The following DNAJC5B variants were observed in gnomAD, a reference collection of about 807,000 sequenced individuals.
DNAJC5B encodes DnaJ heat shock protein family (Hsp40) member C5 beta, also known as dnaJ homolog subfamily C member 5B.
Under a neutral mutation model 24.7 loss-of-function variants are expected in DNAJC5B, and 23 were observed. That is an observed-to-expected ratio of 0.93 (90% CI 0.67 to 1.32). The LOEUF (loss-of-function observed/expected upper bound fraction) is 1.32, where lower values mean the gene tolerates loss of function less well. Among genes scored for constraint, DNAJC5B ranks in the 40% most tolerant of loss-of-function variants. DNAJC5B has a pLI of 0.00. For synonymous variants in DNAJC5B, 101 were observed against 90.1 expected (o/e 1.12, Z -0.68); for missense variants, 238 against 240.8 (o/e 0.99, Z 0.08).
At position 66,071,354 on chromosome 8, in the gene DNAJC5B, G is replaced by GA. The variant is rs957977352; in HGVS notation, c.120-5299dup. On this transcript the variant is annotated intron_variant, in intron 3 of 5. Coordinates refer to ENST00000276570, the MANE Select transcript of DNAJC5B (RefSeq NM_033105.6). Reference sequence around the variant, plus strand: ...ACAAAGAACTTAAACAAATTTACAAGAAAAAAACAAACAACCCCATCAAAA... The same window carrying GA: ...ACAAAGAACTTAAACAAATTTACAAGAAAAAAAACAAACAACCCCATCAAAA... 1.4e-3 allele frequency among the ~76,000 whole-genome samples: 217 copies of GA among 152,004 alleles called. 2 individuals are homozygous for GA. Among genetic ancestry groups the GA allele is most frequent in the African/African-American group, 4.8e-3 (197 of 41,442 alleles).
chr8:66,068,920 A>G (rs1395290457), intron 3 of DNAJC5B, among the ~76,000 whole-genome samples: 2 of 152,174 alleles, frequency 1.3e-5, no homozygotes, highest in East Asian at 1.9e-4. Flanking sequence ...GCCAGAAGAC[A>G]GAGGACAAAA....
At chr8:66,069,192 T>C (rs1428640885) in intron 3 of DNAJC5B, among the ~76,000 whole-genome samples, 1 of 151,904 alleles carries the variant, frequency 6.6e-6, no homozygotes, top group Non-Finnish European at 1.5e-5. Flanking sequence ...AAGGGACAAG[T>C]AGAATACGGT....
chr8:66,052,078 C>T (rs1486714938), intron 3 of DNAJC5B, among the ~76,000 whole-genome samples: 1 of 151,906 alleles, frequency 6.6e-6, no homozygotes, highest in African/African-American at 2.4e-5. Context: ...GATTCTCTGC[C>T]TCAGCCTCCT....
At chr8:66,046,740 C>T (rs1459342526) in intron 2 of DNAJC5B, among the ~76,000 whole-genome samples, 2 of 152,250 alleles carry the variant, frequency 1.3e-5, no homozygotes, top group African/African-American at 4.8e-5. Context: ...TATTCATCAC[C>T]ATATCATGAA....
At chr8:66,048,356 C>T (rs924058485) in intron 2 of DNAJC5B, among the ~76,000 whole-genome samples, 1 of 152,222 alleles carries the variant, frequency 6.6e-6, no homozygotes, top group African/African-American at 2.4e-5. Flanking sequence ...CTGCCATGTT[C>T]TCTGTCGCTA....
At chr8:66,076,039 G>A (rs957184262) in intron 3 of DNAJC5B, among the ~76,000 whole-genome samples, 2 of 152,172 alleles carry the variant, frequency 1.3e-5, no homozygotes, top group Admixed American at 6.5e-5. Flanking sequence ...AAGGCCTTAT[G>A]CCCACAAGAA....
chr8:66,083,137 G>A (rs773945650), intron 5 of DNAJC5B, among the ~76,000 whole-genome samples: 7 of 148,854 alleles, frequency 4.7e-5, no homozygotes, highest in East Asian at 2.0e-4. Flanking sequence ...TCAGCCTCCC[G>A]AGTAGATGGG....
chr8:66,085,030 GA>G (rs1432012210), intron 5 of DNAJC5B, among the ~76,000 whole-genome samples: 2 of 150,744 alleles, frequency 1.3e-5, no homozygotes, highest in African/African-American at 4.9e-5. Flanking sequence ...TTTTCTTCTT[GA>G]ATATGGAATC....
chr8:66,057,018 A>T (rs1479590528), intron 3 of DNAJC5B: 1 of 152,296 alleles, frequency 6.6e-6, no homozygotes, highest in Non-Finnish European at 1.5e-5. Flanking sequence ...AGGCGCCTAT[A>T]GTCCCAGCTA....
chr8:66,099,076 T>C (rs954391528), intron 5 of DNAJC5B, among the ~76,000 whole-genome samples: 18 of 151,138 alleles, frequency 1.2e-4, no homozygotes, highest in African/African-American at 4.2e-4. Context: ...CTTCTATTTC[T>C]CTACCTCTAA....
At chr8:66,035,308 C>A (rs79833245) in intron 1 of DNAJC5B, among the ~76,000 whole-genome samples, 8,405 of 152,298 alleles carry the variant, frequency 0.055, 343 homozygotes, top group Middle Eastern at 0.11. Flanking sequence ...TGTGCTGCGC[C>A]TGTAAAAGAG....
intron 3 of DNAJC5B, among the ~76,000 whole-genome samples, chr8:66,063,689 C>T (rs1350806915): frequency 6.6e-6 from 1 of 152,192 alleles, no homozygotes; most frequent in Admixed American, 6.5e-5. Flanking sequence ...TCATTACGAT[C>T]CGTAACTTTT....
chr8:66,080,426 G>C lies in DNAJC5B; in HGVS notation c.383G>C (p.Cys128Ser). The change falls in exon 5 of 6, where the codon TGC (cysteine) becomes TCC (serine). Residue 128 changes from cysteine (C) to serine (S), a missense_variant. Transcript: ENST00000276570. The stretch of plus-strand genomic sequence containing the variant: ...TTGACGGGCTGCTACTTTTGCTGCT[G>C]CCTGTGCTGCTGCTGCAACTGCTGC... ...GLLTGCYFCC[C>S]LCCCCNCCCG... The C allele has an allele frequency of 6.2e-7, 1 of 1,614,004 alleles. No individual in the cohort carries two copies. The highest frequency in any genetic ancestry group is 8.5e-7 in the Non-Finnish European group (1 of 1,179,998).
At chr8:66,038,479 A>G (rs1334227187) in intron 1 of DNAJC5B, among the ~76,000 whole-genome samples, 1 of 152,226 alleles carries the variant, frequency 6.6e-6, no homozygotes, top group South Asian at 2.1e-4. Context: ...ATTGGAAAGT[A>G]TTTTGGGTTC....
chr8:66,070,080 A>AT (rs1232538074), intron 3 of DNAJC5B, among the ~76,000 whole-genome samples: 1 of 152,236 alleles, frequency 6.6e-6, no homozygotes, highest in Non-Finnish European at 1.5e-5. Context: ...AGAGCTATTT[A>AT]TGACAGACCC....
At chr8:66,029,799 T>A (rs1806322150) in intron 1 of DNAJC5B, among the ~76,000 whole-genome samples, 1 of 152,116 alleles carries the variant, frequency 6.6e-6, no homozygotes, top group Non-Finnish European at 1.5e-5. Context: ...TGCCACAGTA[T>A]CACTTCCTGC....
intron 5 of DNAJC5B, among the ~76,000 whole-genome samples, chr8:66,091,780 G>C (rs1807854009): frequency 6.6e-6 from 1 of 152,022 alleles, no homozygotes; most frequent in Non-Finnish European, 1.5e-5. Flanking sequence ...GAGACTCCAT[G>C]GTGAAAAATG....
chr8:66,015,660 C>G, the DNAJC5B span, among the ~76,000 whole-genome samples: 1 of 152,112 alleles, frequency 6.6e-6, no homozygotes, highest in Non-Finnish European at 1.5e-5. Flanking sequence ...AATGGGGGCT[C>G]AGGTCACATA....
intron 5 of DNAJC5B, among the ~76,000 whole-genome samples, chr8:66,096,421 A>G (rs551851444): frequency 1.9e-4 from 29 of 152,182 alleles, no homozygotes; most frequent in Non-Finnish European, 4.3e-4. Context: ...AATTCTACAT[A>G]AGATTTCCTT....
Sources: allele counts gnomAD v4.1 joint callset (sites outside exome capture counted in the v4.1 genomes callset), GRCh38; gene constraint gnomAD v4.1.1; transcripts MANE v1.5; gene names NCBI Gene and HGNC (gene_info 2026-07-23, HGNC 2026-07-21).